ADCY8: variants seen among roughly 807,000 people sequenced by gnomAD.
ADCY8 encodes the protein adenylate cyclase type 8.
In ADCY8, 51 loss-of-function variants were observed where a neutral mutation model predicts 119.7. The ratio of observed to expected loss-of-function variants is 0.43; its 90% confidence interval spans 0.34 to 0.54. The LOEUF is 0.54. ADCY8 is among the 20% of genes least tolerant of loss of function. ADCY8 has a pLI of 0.03. For synonymous variants in ADCY8, 665 were observed against 651.0 expected (o/e 1.02, Z -0.33); for missense variants, 1,383 against 1,598.8 (o/e 0.87, Z 2.30).
At chr8:131,015,025 C>A (rs1051856783) in intron 1 of ADCY8, among the ~76,000 whole-genome samples, 1 of 121,068 alleles carries the variant, frequency 8.3e-6, no homozygotes, top group African/African-American at 2.8e-5. Context: ...GTATTCTGGG[C>A]ACACTAAGGT....
intron 14 of ADCY8, among the ~76,000 whole-genome samples, chr8:130,803,449 C>T (rs1226642120): frequency 6.6e-6 from 1 of 152,176 alleles, no homozygotes; most frequent in Non-Finnish European, 1.5e-5. Flanking sequence ...TTATTGCACT[C>T]CAATTATGTA....
chr8:131,025,508 C>A (rs1337635316), intron 1 of ADCY8, among the ~76,000 whole-genome samples: 1 of 152,174 alleles, frequency 6.6e-6, no homozygotes, highest in Non-Finnish European at 1.5e-5. Flanking sequence ...ATATGAGATT[C>A]CCGCGTGATG....
chr8:130,849,537 C>A, intron 10 of ADCY8, 65 bp downstream of exon 10: 1 of 1,534,200 alleles, frequency 6.5e-7, no homozygotes, highest in South Asian at 1.1e-5. Context: ...AAGCTGCAGG[C>A]TCCATAAACT....
At chr8:130,947,175 C>T (rs1563740220) in intron 3 of ADCY8, among the ~76,000 whole-genome samples, 1 of 152,180 alleles carries the variant, frequency 6.6e-6, no homozygotes, top group Non-Finnish European at 1.5e-5. Flanking sequence ...CTAATAGTCA[C>T]TCTTCAAATA....
chr8:131,032,299 C>T (rs1038494601), intron 1 of ADCY8, among the ~76,000 whole-genome samples: 8 of 152,086 alleles, frequency 5.3e-5, no homozygotes, highest in Non-Finnish European at 1.2e-4. Flanking sequence ...ATTAGTAGCA[C>T]TTGAGCTTGG....
intron 12 of ADCY8, among the ~76,000 whole-genome samples, chr8:130,824,593 G>A (rs1292283716): frequency 6.6e-6 from 1 of 152,170 alleles, no homozygotes; most frequent in African/African-American, 2.4e-5. Context: ...GTATTGAATG[G>A]ATACATGGAC....
chr8:130,979,698 T>C (rs932425041), intron 2 of ADCY8, among the ~76,000 whole-genome samples: 2 of 152,182 alleles, frequency 1.3e-5, no homozygotes, highest in Admixed American at 1.3e-4. Flanking sequence ...AAATTCCTCA[T>C]CTATAAAATG....
chr8:130,816,364 G>C (rs538136745), intron 13 of ADCY8, among the ~76,000 whole-genome samples: 5 of 150,702 alleles, frequency 3.3e-5, no homozygotes, highest in African/African-American at 1.2e-4. Flanking sequence ...ATTTATCTAA[G>C]AAAGATCGAT....
At chr8:130,935,351 T>C (rs1193925283) in intron 5 of ADCY8, 1 of 152,216 alleles carries the variant, frequency 6.6e-6, no homozygotes, top group African/African-American at 2.4e-5. Context: ...TATTAAGAGA[T>C]GGCGTAAAGG....
At chr8:130,793,385 T>G (rs1815483030) in intron 15 of ADCY8, among the ~76,000 whole-genome samples, 1 of 152,198 alleles carries the variant, frequency 6.6e-6, no homozygotes, top group African/African-American at 2.4e-5. Context: ...AGTGGGTGAC[T>G]CTAATTGCAC....
chr8:130,835,224 C>T (rs1816949504), intron 12 of ADCY8, among the ~76,000 whole-genome samples: 2 of 152,140 alleles, frequency 1.3e-5, no homozygotes, highest in East Asian at 3.8e-4. Flanking sequence ...GGTCTGTTTA[C>T]CCCAGCAGCT....
chr8:130,843,453 T>G (rs1287022450), intron 11 of ADCY8, among the ~76,000 whole-genome samples: 1 of 152,180 alleles, frequency 6.6e-6, no homozygotes, highest in Non-Finnish European at 1.5e-5. Flanking sequence ...GACTCTCAGC[T>G]TAGTATTCTC....
At chr8:130,832,598 T>C (rs1383580152) in intron 12 of ADCY8, among the ~76,000 whole-genome samples, 1 of 152,162 alleles carries the variant, frequency 6.6e-6, no homozygotes, top group Non-Finnish European at 1.5e-5. Context: ...ATTCCATTGA[T>C]AGCAAAGAGT....
At chr8:130,868,735 C>T (rs185229765) in intron 8 of ADCY8, among the ~76,000 whole-genome samples, 78 of 152,270 alleles carry the variant, frequency 5.1e-4, no homozygotes, top group African/African-American at 1.8e-3. Context: ...CTAAACCAAG[C>T]CCCACATTTG....
intron 5 of ADCY8, among the ~76,000 whole-genome samples, chr8:130,911,845 G>T (rs1819991612): frequency 6.6e-6 from 1 of 151,720 alleles, no homozygotes; most frequent in Middle Eastern, 3.2e-3. Context: ...AAAAATAGGG[G>T]ATCAAAATAT....
At chr8:131,020,314 T>A (rs1586661884) in intron 1 of ADCY8, among the ~76,000 whole-genome samples, 2 of 152,058 alleles carry the variant, frequency 1.3e-5, no homozygotes, top group Admixed American at 6.6e-5. Flanking sequence ...GTGATTCAGG[T>A]GAGGACCAGT....
At chr8:130,985,929 A>T (rs954176686) in intron 2 of ADCY8, among the ~76,000 whole-genome samples, 19 of 152,222 alleles carry the variant, frequency 1.2e-4, no homozygotes, top group Admixed American at 6.5e-4. Flanking sequence ...ACTTTATTCC[A>T]GTGCCCCCAG....
intron 6 of ADCY8, among the ~76,000 whole-genome samples, 167 bp downstream of exon 6, chr8:130,909,541 T>C (rs1819908968): frequency 6.6e-6 from 1 of 152,184 alleles, no homozygotes; most frequent in Non-Finnish European, 1.5e-5. Context: ...CTGATGCATT[T>C]TACTAGATTT....
At chr8:131,009,636 T>C (rs1264584358) in intron 1 of ADCY8, among the ~76,000 whole-genome samples, 2 of 152,210 alleles carry the variant, frequency 1.3e-5, no homozygotes, top group African/African-American at 2.4e-5. Flanking sequence ...CATATCAGCA[T>C]GAGAATGGAC....
Sources: gnomAD v4.1 joint callset for allele counts (sites outside exome capture counted in the v4.1 genomes callset) on GRCh38, gnomAD v4.1.1 for gene constraint, MANE v1.5 for transcripts, NCBI Gene and HGNC (gene_info 2026-07-23, HGNC 2026-07-21) for gene names.